Variants in SIPA1L3 observed in about 807,000 individuals in gnomAD.
SIPA1L3 encodes the protein signal-induced proliferation-associated 1-like protein 3.
Under a neutral mutation model 150.1 loss-of-function variants are expected in SIPA1L3, and 59 were observed. The observed-to-expected ratio is 0.39, with a 90% confidence interval of 0.32 to 0.49. The LOEUF (loss-of-function observed/expected upper bound fraction) is 0.49. Ranked by LOEUF, SIPA1L3 falls within the 20% of genes least tolerant of loss-of-function variation. The pLI is 0.86. For missense variants in SIPA1L3, 2,211 were observed against 2,489.5 expected, an observed-to-expected ratio of 0.89 and a Z score of 2.38; for synonymous variants, 1,070 against 1,077.6, an observed-to-expected ratio of 0.99 and a Z score of 0.14.
intron 2 of SIPA1L3, among the ~76,000 whole-genome samples, chr19:38,071,293 C>T (rs1027283846): frequency 1.3e-5 from 2 of 151,968 alleles, no homozygotes; most frequent in Non-Finnish European, 2.9e-5. Context: ...TACCTGCCTA[C>T]CTATCTATGT....
At chr19:38,195,375 G>A (rs1049252121) in intron 18 of SIPA1L3, among the ~76,000 whole-genome samples, 7 of 152,140 alleles carry the variant, frequency 4.6e-5, no homozygotes, top group South Asian at 2.1e-4. Flanking sequence ...CCTCCCCTGC[G>A]CTCCCTTCCT....
intron 1 of SIPA1L3, among the ~76,000 whole-genome samples, chr19:38,006,758 C>G (rs374461370): frequency 6.6e-6 from 1 of 152,090 alleles, no homozygotes; most frequent in Non-Finnish European, 1.5e-5. Context: ...TGAGTATGAC[C>G]GGGCACACAC....
chr19:38,159,406 G>A (rs1407306999), intron 13 of SIPA1L3, among the ~76,000 whole-genome samples: 3 of 152,216 alleles, frequency 2.0e-5, no homozygotes, highest in Non-Finnish European at 4.4e-5. Flanking sequence ...CCTCAGCAGT[G>A]ACCTCCTCCC....
intron 1 of SIPA1L3, among the ~76,000 whole-genome samples, chr19:37,929,617 C>T (rs1424386066): frequency 6.6e-6 from 1 of 152,152 alleles, no homozygotes; most frequent in Non-Finnish European, 1.5e-5. Context: ...CTCACTCACT[C>T]TGCCCAGAAA....
intron 16 of SIPA1L3, among the ~76,000 whole-genome samples, chr19:38,188,201 G>A (rs930921303): frequency 6.6e-6 from 1 of 151,402 alleles, no homozygotes; most frequent in Non-Finnish European, 1.5e-5. Flanking sequence ...GGTGGTGGTG[G>A]TGGTGACAGG....
intron 1 of SIPA1L3, among the ~76,000 whole-genome samples, chr19:37,948,277 G>T (rs1325586249): frequency 1.3e-5 from 2 of 152,094 alleles, no homozygotes; most frequent in African/African-American, 4.8e-5. Flanking sequence ...CCCAGCCTGG[G>T]CAACATGATG....
At chr19:37,915,792 G>A (rs939955034) in intron 1 of SIPA1L3, among the ~76,000 whole-genome samples, 5 of 152,130 alleles carry the variant, frequency 3.3e-5, no homozygotes, top group Admixed American at 6.5e-5. Context: ...TCCCTGCTCC[G>A]GCATCATGAC....
intron 2 of SIPA1L3, among the ~76,000 whole-genome samples, chr19:38,041,409 G>T (rs1257053762): frequency 6.6e-6 from 1 of 150,902 alleles, no homozygotes; most frequent in East Asian, 2.0e-4. Context: ...CTCCAGAGTA[G>T]CTGGGATTAC....
At chr19:38,172,029 T>C (rs1972339656) in intron 15 of SIPA1L3, among the ~76,000 whole-genome samples, 1 of 152,060 alleles carries the variant, frequency 6.6e-6, no homozygotes, top group Non-Finnish European at 1.5e-5. Context: ...GCCAGGGTAA[T>C]GCGGGTGGAT....
At chr19:38,187,710 C>T (rs1351664726) in intron 16 of SIPA1L3, among the ~76,000 whole-genome samples, 8 of 119,814 alleles carry the variant, frequency 6.7e-5, no homozygotes, top group East Asian at 2.4e-4. Context: ...AGCGAGACTC[C>T]GTCTCAAAAA....
At chr19:37,967,782 A>G (rs2046917281) in intron 1 of SIPA1L3, among the ~76,000 whole-genome samples, 1 of 152,202 alleles carries the variant, frequency 6.6e-6, no homozygotes, top group Non-Finnish European at 1.5e-5. Flanking sequence ...TTTAAAAAAA[A>G]AAGTTATTTA....
chr19:38,125,321 C>A (rs1255377292), intron 9 of SIPA1L3, among the ~76,000 whole-genome samples: 1 of 152,188 alleles, frequency 6.6e-6, no homozygotes, highest in Non-Finnish European at 1.5e-5. Flanking sequence ...CAGGCCTGAG[C>A]CACTGTGCCC....
chr19:38,134,762 A>G (rs1971396810), intron 10 of SIPA1L3, among the ~76,000 whole-genome samples: 1 of 147,788 alleles, frequency 6.8e-6, no homozygotes, highest in African/African-American at 2.5e-5. Context: ...GGCCTATAGG[A>G]GGCGCTCGAG....
At chr19:38,132,579 C>T (rs1289953732) in intron 10 of SIPA1L3, among the ~76,000 whole-genome samples, 13 of 114,936 alleles carry the variant, frequency 1.1e-4, no homozygotes, top group Admixed American at 3.9e-4. Flanking sequence ...AATGAAGCTA[C>T]GTCTCAAAAA....
intron 2 of SIPA1L3, among the ~76,000 whole-genome samples, chr19:38,073,113 C>A (rs1214854648): frequency 6.6e-6 from 1 of 152,216 alleles, no homozygotes; most frequent in Non-Finnish European, 1.5e-5. Flanking sequence ...GAAAGGATTG[C>A]AGCAAGGGGA....
At chr19:38,121,226 C>T (rs925646115) in intron 9 of SIPA1L3, among the ~76,000 whole-genome samples, 2 of 152,100 alleles carry the variant, frequency 1.3e-5, no homozygotes, top group African/African-American at 4.8e-5. Context: ...ATCATGAGGT[C>T]AGGAGATCAA....
At chr19:38,015,283 G>A (rs567871085) in intron 1 of SIPA1L3, among the ~76,000 whole-genome samples, 8 of 152,180 alleles carry the variant, frequency 5.3e-5, no homozygotes, top group Non-Finnish European at 7.3e-5. Flanking sequence ...ATTTTGGCAT[G>A]TGCACATTCT....
intron 1 of SIPA1L3, chr19:37,932,816 A>G (rs951747294): frequency 2.6e-5 from 4 of 152,180 alleles, no homozygotes; most frequent in Admixed American, 6.5e-5. Context: ...TCTCCCTGAA[A>G]TGTTTACCTG....
At position 38,110,402 on chromosome 19, in the gene SIPA1L3, G is replaced by A. The variant is rs200433036; in HGVS notation, c.2291+18G>A. On this transcript the variant is annotated intron_variant, in intron 8 of 21. Coordinates refer to ENST00000222345, the MANE Select transcript of SIPA1L3 (RefSeq NM_015073.3). ...TGTTACAGGTATGCCCCCCACACCC[G>A]GCCCCCAGCAGCGTATGGAGAGAGG... 9,520 of 1,603,464 alleles carry A rather than the reference G, an allele frequency of 5.9e-3. 39 individuals are homozygous for A. Among genetic ancestry groups the A allele is most frequent in the Non-Finnish European group, 7.0e-3 (8,201 of 1,172,728 alleles).
Sources: allele counts gnomAD v4.1 joint callset (sites outside exome capture counted in the v4.1 genomes callset), GRCh38; gene constraint gnomAD v4.1.1; transcripts MANE v1.5; gene names NCBI Gene and HGNC (gene_info 2026-07-23, HGNC 2026-07-21).